ARHGAP20: variants seen among roughly 807,000 people sequenced by gnomAD.
The protein encoded by ARHGAP20 is rho GTPase-activating protein 20.
Under a neutral mutation model 73.7 loss-of-function variants are expected in ARHGAP20, and 34 were observed. That is an observed-to-expected ratio of 0.46 (90% CI 0.35 to 0.61). The LOEUF (loss-of-function observed/expected upper bound fraction) is 0.61, where lower values mean the gene tolerates loss of function less well. Among genes scored for constraint, ARHGAP20 ranks in the 20% least tolerant of loss-of-function variants. ARHGAP20 has a pLI of 0.00. For synonymous variants in ARHGAP20, 523 were observed against 518.2 expected, an observed-to-expected ratio of 1.01 and a Z score of -0.13; for missense variants, 1,314 against 1,420.9, an observed-to-expected ratio of 0.92 and a Z score of 1.21.
intron 2 of ARHGAP20, among the ~76,000 whole-genome samples, chr11:110,651,894 T>C (rs1220681687): frequency 4.6e-5 from 7 of 152,084 alleles, no homozygotes; most frequent in Admixed American, 3.9e-4. Context: ...TTTATGAGAC[T>C]GGCATCATCC....
intron 1 of ARHGAP20, among the ~76,000 whole-genome samples, chr11:110,697,240 C>A (rs1050790841): frequency 6.6e-6 from 1 of 151,552 alleles, no homozygotes; most frequent in Non-Finnish European, 1.5e-5. Context: ...CACATCCATG[C>A]CAACAACTTT....
intron 9 of ARHGAP20, among the ~76,000 whole-genome samples, chr11:110,596,855 G>C (rs538582668): frequency 1.3e-5 from 2 of 152,088 alleles, no homozygotes; most frequent in Admixed American, 6.5e-5. Flanking sequence ...TGTTTATTGC[G>C]GCACTATTCA....
At chr11:110,710,308 A>G (rs766152530) in intron 1 of ARHGAP20, among the ~76,000 whole-genome samples, 3 of 152,160 alleles carry the variant, frequency 2.0e-5, no homozygotes, top group Non-Finnish European at 2.9e-5. Context: ...GACGGTGGCT[A>G]TGATAAGTAA....
At chr11:110,633,284 A>C (rs1376801358) in intron 2 of ARHGAP20, among the ~76,000 whole-genome samples, 3 of 152,274 alleles carry the variant, frequency 2.0e-5, no homozygotes, top group African/African-American at 7.2e-5. Context: ...TAAGATCTTT[A>C]AATTCCCTTC....
chr11:110,687,626 C>G (rs917954094), intron 2 of ARHGAP20, among the ~76,000 whole-genome samples: 12 of 152,016 alleles, frequency 7.9e-5, no homozygotes, highest in Non-Finnish European at 1.5e-5. Context: ...ACCCAATGAC[C>G]CTTTGTTATA....
chr11:110,658,148 A>T (rs1949513924), intron 2 of ARHGAP20, among the ~76,000 whole-genome samples: 1 of 152,216 alleles, frequency 6.6e-6, no homozygotes, highest in African/African-American at 2.4e-5. Context: ...AAATAGAAGT[A>T]TTCATGCCTA....
intron 9 of ARHGAP20, among the ~76,000 whole-genome samples, chr11:110,597,726 A>C (rs962929557): frequency 2.6e-5 from 4 of 152,238 alleles, no homozygotes; most frequent in African/African-American, 9.6e-5. Flanking sequence ...CAGAGGATAA[A>C]GTAGAAATTG....
chr11:110,707,474 G>A (rs187958310), intron 1 of ARHGAP20, among the ~76,000 whole-genome samples: 1 of 152,282 alleles, frequency 6.6e-6, no homozygotes, highest in Admixed American at 6.5e-5. Context: ...GTGCCTCAGT[G>A]ATGGAAAAAT....
intron 2 of ARHGAP20, among the ~76,000 whole-genome samples, chr11:110,680,256 A>C (rs1249664648): frequency 6.6e-6 from 1 of 152,134 alleles, no homozygotes; most frequent in Admixed American, 6.5e-5. Flanking sequence ...ATCTGGTAAG[A>C]AGAAGGGCCA....
intron 2 of ARHGAP20, among the ~76,000 whole-genome samples, chr11:110,662,098 A>T (rs1422167638): frequency 6.6e-6 from 1 of 151,924 alleles, no homozygotes; most frequent in Non-Finnish European, 1.5e-5. Flanking sequence ...GTGAAAAAAT[A>T]GGGTGGAAAA....
At chr11:110,699,768 C>A (rs929953944) in intron 1 of ARHGAP20, among the ~76,000 whole-genome samples, 1 of 151,844 alleles carries the variant, frequency 6.6e-6, no homozygotes, top group African/African-American at 2.4e-5. Context: ...CCACTTACTT[C>A]CTGTCTATTG....
At chr11:110,619,649 G>A (rs889427933) in intron 4 of ARHGAP20, among the ~76,000 whole-genome samples, 7 of 151,904 alleles carry the variant, frequency 4.6e-5, no homozygotes, top group Non-Finnish European at 1.0e-4. Context: ...CAGTGATAGA[G>A]TATATGTAGT....
intron 1 of ARHGAP20, among the ~76,000 whole-genome samples, chr11:110,700,850 T>C (rs1208522616): frequency 6.6e-6 from 1 of 151,410 alleles, no homozygotes; most frequent in Non-Finnish European, 1.5e-5. Flanking sequence ...TTTGGTTTTT[T>C]GTTCTTGCAA....
intron 1 of ARHGAP20, among the ~76,000 whole-genome samples, chr11:110,696,592 T>G (rs1029599367): frequency 1.4e-4 from 22 of 151,756 alleles, no homozygotes; most frequent in Non-Finnish European, 3.0e-4. Flanking sequence ...TTCATGTGCA[T>G]GTGCATGTGC....
intron 2 of ARHGAP20, among the ~76,000 whole-genome samples, chr11:110,635,790 GA>G (rs530300524): frequency 6.3e-4 from 91 of 145,274 alleles, no homozygotes; most frequent in East Asian, 1.4e-3. Flanking sequence ...CACCATCACA[GA>G]AAAAAAAAAA....
Position 110,577,828 on chromosome 11 carries a change from T to C in ARHGAP20, c.*1542A>G, listed in dbSNP as rs1947328725. 1.0e-6 allele frequency: 1 copy of C among 985,572 alleles called. No homozygotes were observed. The highest frequency in any genetic ancestry group is 6.1e-5 in the Admixed American group (1 of 16,264). 61.1% of individuals were successfully genotyped at this position (985,572 alleles called of 1,614,324 possible). A position where few individuals can be genotyped will look rare whatever the true frequency, so the allele number is the denominator to read the frequency against. ...AATACTGAAATAACTTCTTCTATCT[T>C]AGAGAAAATATTTTTTCCCCTATAA... On this transcript the variant is annotated 3_prime_UTR_variant, in exon 15 of 15. Transcript: ENST00000683387.
chr11:110,705,736 G>A (rs1021545679), intron 1 of ARHGAP20, among the ~76,000 whole-genome samples: 3 of 152,170 alleles, frequency 2.0e-5, no homozygotes, highest in African/African-American at 7.2e-5. Context: ...ACTGAGTTGA[G>A]AGAGTTTCAA....
At chr11:110,696,471 AT>A (rs80242488) in intron 1 of ARHGAP20, among the ~76,000 whole-genome samples, 1 of 151,126 alleles carries the variant, frequency 6.6e-6, no homozygotes, top group Admixed American at 6.6e-5. Context: ...TTTTTATCCC[AT>A]TTTTTTTGGT....
chr11:110,682,595 T>C (rs1346846725), intron 2 of ARHGAP20, among the ~76,000 whole-genome samples: 1 of 152,144 alleles, frequency 6.6e-6, no homozygotes. Flanking sequence ...TGCTACTTAA[T>C]GAGCCAGGAT....
Sources: allele counts gnomAD v4.1 joint callset (sites outside exome capture counted in the v4.1 genomes callset), GRCh38; gene constraint gnomAD v4.1.1; transcripts MANE v1.5; gene names NCBI Gene and HGNC (gene_info 2026-07-23, HGNC 2026-07-21).